NYAP2: variants seen among roughly 807,000 people sequenced by gnomAD.
NYAP2 encodes neuronal tyrosine-phosphorylated phosphoinositide-3-kinase adaptor 2.
Under a neutral mutation model 50.4 loss-of-function variants are expected in NYAP2, and 23 were observed. That is an observed-to-expected ratio of 0.46 (90% CI 0.33 to 0.65). The LOEUF (loss-of-function observed/expected upper bound fraction) is 0.65. Among genes scored for constraint, NYAP2 ranks in the 30% least tolerant of loss-of-function variants. The probability of loss-of-function intolerance (pLI) is 0.02; values close to 1 mark genes in which losing one functional copy is unlikely to be tolerated. For missense variants in NYAP2, 885 were observed against 861.0 expected (o/e 1.03, Z -0.35); for synonymous variants, 394 against 365.2 (o/e 1.08, Z -0.90).
At chr2:225,503,884 A>C (rs1690653034) in intron 3 of NYAP2, among the ~76,000 whole-genome samples, 1 of 151,020 alleles carries the variant, frequency 6.6e-6, no homozygotes, top group East Asian at 1.9e-4. Flanking sequence ...TTTTCTTTTT[A>C]TTTACTGTCT....
chr2:225,551,778 A>G (rs1431945235), intron 4 of NYAP2, among the ~76,000 whole-genome samples: 1 of 152,152 alleles, frequency 6.6e-6, no homozygotes, highest in African/African-American at 2.4e-5. Flanking sequence ...TATACACAGT[A>G]GTTGCAACAT....
the NYAP2 span, among the ~76,000 whole-genome samples, chr2:225,661,079 T>C: frequency 6.6e-6 from 1 of 152,210 alleles, no homozygotes; most frequent in Non-Finnish European, 1.5e-5. Context: ...GCATGACTGG[T>C]TAAATGGAAA....
the NYAP2 span, among the ~76,000 whole-genome samples, chr2:225,667,787 ACTTAATAGAGATAC>A: frequency 6.6e-6 from 1 of 152,062 alleles, no homozygotes. Context: ...TTTTGAAACT[ACTTAATAGAGATAC>A]CTTAATAGAG....
the NYAP2 span, chr2:225,701,478 CA>C: frequency 6.6e-6 from 1 of 151,598 alleles, no homozygotes. Flanking sequence ...CACTCCTTAG[CA>C]GAGAAGATAT....
chr2:225,678,073 A>AATT, the NYAP2 span, among the ~76,000 whole-genome samples: 1 of 152,032 alleles, frequency 6.6e-6, no homozygotes, highest in East Asian at 1.9e-4. Flanking sequence ...TTGTTTTTTT[A>AATT]ATTATTGATT....
intron 3 of NYAP2, among the ~76,000 whole-genome samples, chr2:225,436,145 C>T (rs2106137275): frequency 6.6e-6 from 1 of 152,290 alleles, no homozygotes; most frequent in South Asian, 2.1e-4. Flanking sequence ...ATTAATTGGT[C>T]AGATCATATC....
At chr2:225,421,484 G>A (rs546944091) in intron 3 of NYAP2, among the ~76,000 whole-genome samples, 1 of 152,240 alleles carries the variant, frequency 6.6e-6, no homozygotes, top group East Asian at 1.9e-4. Context: ...AATTTAAAAA[G>A]AAAGACAATG....
At chr2:225,485,154 A>C (rs1037496629) in intron 3 of NYAP2, among the ~76,000 whole-genome samples, 1 of 152,174 alleles carries the variant, frequency 6.6e-6, no homozygotes, top group Non-Finnish European at 1.5e-5. Context: ...GGTTTCCCCC[A>C]TACTGTTCTC....
chr2:225,405,743 G>A (rs1227907413), intron 2 of NYAP2, among the ~76,000 whole-genome samples: 3 of 151,892 alleles, frequency 2.0e-5, no homozygotes, highest in African/African-American at 4.8e-5. Context: ...GATGAGTTTC[G>A]TGGTCCATAT....
chr2:225,617,174 C>G (rs1384743128), intron 5 of NYAP2, among the ~76,000 whole-genome samples: 2 of 152,166 alleles, frequency 1.3e-5, no homozygotes, highest in Non-Finnish European at 2.9e-5. Context: ...TGCCTGTAAT[C>G]TCAGCACTTT....
the NYAP2 span, among the ~76,000 whole-genome samples, chr2:225,684,496 T>A: frequency 6.6e-6 from 1 of 151,838 alleles, no homozygotes; most frequent in African/African-American, 2.4e-5. Flanking sequence ...CTCTTCTCTC[T>A]TACTATGTAA....
intron 3 of NYAP2, among the ~76,000 whole-genome samples, chr2:225,479,828 C>T (rs1690176426): frequency 6.6e-6 from 1 of 152,046 alleles, no homozygotes; most frequent in African/African-American, 2.4e-5. Context: ...GTAATTTCAT[C>T]AAATTTGTAC....
At chr2:225,522,601 C>A (rs1211347873) in intron 4 of NYAP2, among the ~76,000 whole-genome samples, 1 of 152,154 alleles carries the variant, frequency 6.6e-6, no homozygotes. Context: ...AATGTCATTT[C>A]TCATGCCTCC....
At chr2:225,473,591 C>G (rs945914526) in intron 3 of NYAP2, among the ~76,000 whole-genome samples, 2 of 152,140 alleles carry the variant, frequency 1.3e-5, no homozygotes, top group Non-Finnish European at 2.9e-5. Flanking sequence ...ATGTCTGTTG[C>G]CTGCATAAAT....
At chr2:225,439,807 T>A (rs1451161789) in intron 3 of NYAP2, among the ~76,000 whole-genome samples, 9 of 152,210 alleles carry the variant, frequency 5.9e-5, no homozygotes, top group Non-Finnish European at 1.0e-4. Context: ...TTATTTTTAT[T>A]TTTTTGCAGT....
intron 3 of NYAP2, among the ~76,000 whole-genome samples, chr2:225,467,765 C>G (rs1354097583): frequency 2.0e-5 from 3 of 152,096 alleles, no homozygotes; most frequent in African/African-American, 7.2e-5. Context: ...CAGTTAAAGA[C>G]AGAAAATAAC....
Position 225,583,140 on chromosome 2 carries a change from C to T in NYAP2, c.1618+105C>T. 6 of 1,325,600 alleles carry T rather than the reference C, an allele frequency of 4.5e-6. No homozygotes were observed. In the East Asian group the frequency reaches 7.5e-5, roughly 16 times the overall value. The allele number at this position is 1,325,600 out of a possible 1,614,324, so 82.1% of individuals were successfully genotyped here. On this transcript the variant is annotated intron_variant, in intron 5 of 6. Coordinates refer to ENST00000636099, the Ensembl canonical transcript of NYAP2. ...ACGCACAGAGTACGGGGTCTTGAGGCCTTGGAGTTGAAATCTTAGCATGCA... is the reference window on the plus strand; with the variant it reads ...ACGCACAGAGTACGGGGTCTTGAGGTCTTGGAGTTGAAATCTTAGCATGCA...
At chr2:225,480,722 T>C (rs1690191797) in intron 3 of NYAP2, among the ~76,000 whole-genome samples, 1 of 152,118 alleles carries the variant, frequency 6.6e-6, no homozygotes, top group Non-Finnish European at 1.5e-5. Flanking sequence ...GAATTACATA[T>C]AGGAGCTGTG....
intron 3 of NYAP2, among the ~76,000 whole-genome samples, chr2:225,412,830 T>C (rs1406575048): frequency 6.6e-6 from 1 of 152,070 alleles, no homozygotes; most frequent in Non-Finnish European, 1.5e-5. Flanking sequence ...ATGCCTGCAC[T>C]GCAGAGGCAC....
Sources: allele counts gnomAD v4.1 joint callset (sites outside exome capture counted in the v4.1 genomes callset), GRCh38; gene constraint gnomAD v4.1.1; transcripts MANE v1.5; gene names NCBI Gene and HGNC (gene_info 2026-07-23, HGNC 2026-07-21).